The following MTUS2 variants were observed in gnomAD, a reference collection of about 807,000 sequenced individuals.
MTUS2 encodes the protein microtubule associated scaffold protein 2.
Under a neutral mutation model 114.1 loss-of-function variants are expected in MTUS2, and 40 were observed. The ratio of observed to expected loss-of-function variants is 0.35; its 90% CI spans 0.27 to 0.46. MTUS2 has a LOEUF of 0.46. MTUS2 is among the 20% of genes least tolerant of loss of function. The pLI is 1.00. For missense variants in MTUS2, 1,679 were observed against 1,705.4 expected (o/e 0.98, Z 0.27); for synonymous variants, 688 against 672.0 (o/e 1.02, Z -0.37).
At chr13:29,154,898 T>G (rs1473671351) in intron 5 of MTUS2, among the ~76,000 whole-genome samples, 4 of 152,084 alleles carry the variant, frequency 2.6e-5, no homozygotes, top group Non-Finnish European at 5.9e-5. Context: ...AAAAAGAGAG[T>G]AAAGTAGCTA....
At chr13:28,830,830 C>T (rs1246203590) in intron 1 of MTUS2, among the ~76,000 whole-genome samples, 1 of 152,100 alleles carries the variant, frequency 6.6e-6, no homozygotes, top group Non-Finnish European at 1.5e-5. Context: ...GCTGACTTCT[C>T]ATCAGAAACT....
At chr13:28,836,852 C>T (rs938683038) in intron 1 of MTUS2, among the ~76,000 whole-genome samples, 2 of 152,130 alleles carry the variant, frequency 1.3e-5, no homozygotes, top group East Asian at 3.9e-4. Flanking sequence ...CTTTAGAATG[C>T]ATTTCATATT....
At chr13:29,034,815 T>C (rs770036443) in intron 4 of MTUS2, among the ~76,000 whole-genome samples, 5 of 152,212 alleles carry the variant, frequency 3.3e-5, no homozygotes, top group Admixed American at 6.5e-5. Flanking sequence ...ATGCTGTCCT[T>C]CACCAAGCTA....
intron 1 of MTUS2, among the ~76,000 whole-genome samples, chr13:28,829,555 A>C (rs1302414838): frequency 6.6e-6 from 1 of 151,916 alleles, no homozygotes; most frequent in Non-Finnish European, 1.5e-5. Context: ...ACAATAACTA[A>C]TAGCCTAGAA....
At chr13:29,096,632 C>G (rs1488126953) in intron 4 of MTUS2, among the ~76,000 whole-genome samples, 2 of 152,214 alleles carry the variant, frequency 1.3e-5, no homozygotes, top group Non-Finnish European at 2.9e-5. Context: ...AAACTTCCCT[C>G]ACAGTTTGTT....
chr13:29,465,757 G>A (rs1242909573), intron 9 of MTUS2, among the ~76,000 whole-genome samples: 2 of 152,176 alleles, frequency 1.3e-5, no homozygotes, highest in Non-Finnish European at 2.9e-5. Flanking sequence ...CATGCTGGGG[G>A]CTTCGTGAAC....
At chr13:29,085,243 T>C (rs1889638462) in intron 4 of MTUS2, among the ~76,000 whole-genome samples, 1 of 152,166 alleles carries the variant, frequency 6.6e-6, no homozygotes, top group African/African-American at 2.4e-5. Context: ...AAAGTAAACC[T>C]CTTTTCTTTT....
intron 5 of MTUS2, among the ~76,000 whole-genome samples, chr13:29,275,494 A>G (rs1179075463): frequency 1.3e-5 from 2 of 152,138 alleles, no homozygotes; most frequent in African/African-American, 4.8e-5. Flanking sequence ...CCCATTAACC[A>G]TCCCTACTCC....
chr13:29,277,440 A>G (rs1306615679), intron 5 of MTUS2, among the ~76,000 whole-genome samples: 1 of 152,244 alleles, frequency 6.6e-6, no homozygotes, highest in African/African-American at 2.4e-5. Flanking sequence ...AAAGATAGTT[A>G]GGACAATTTT....
chr13:28,833,603 A>G lies in MTUS2; in HGVS notation c.-315-6175A>G, dbSNP rs1177076326. ...AATCTATGAAAAACCCACAGCTAAC[A>G]TCGTACTTGTGAAAGACTGTTTTCC... On this transcript the variant is annotated intron_variant, in intron 1 of 15. Transcript: ENST00000612955. 5.9e-5 allele frequency among the ~76,000 whole-genome samples: 9 copies of G among 152,246 alleles called. No homozygotes were observed. In the South Asian group the frequency reaches 1.2e-3, roughly 21 times the overall value.
intron 4 of MTUS2, among the ~76,000 whole-genome samples, chr13:29,038,781 C>G (rs567405046): frequency 1.3e-5 from 2 of 152,258 alleles, no homozygotes; most frequent in Non-Finnish European, 2.9e-5. Context: ...GTTACAGCCA[C>G]TTTGGGGTGC....
intron 2 of MTUS2, among the ~76,000 whole-genome samples, chr13:28,924,353 G>T (rs1484456039): frequency 1.3e-5 from 2 of 152,248 alleles, no homozygotes; most frequent in South Asian, 4.1e-4. Context: ...TGTATTTGTT[G>T]CTGAGCTTTC....
chr13:29,348,428 G>A (rs113431348), intron 7 of MTUS2, among the ~76,000 whole-genome samples: 11,541 of 151,926 alleles, frequency 0.076, 1,478 homozygotes, highest in African/African-American at 0.26. Flanking sequence ...TTATTATGTC[G>A]CAGATGACTT....
chr13:29,071,600 G>C (rs1888941712), intron 4 of MTUS2, among the ~76,000 whole-genome samples: 1 of 146,534 alleles, frequency 6.8e-6, no homozygotes, highest in African/African-American at 2.5e-5. Context: ...CTAATTTTTG[G>C]TATTTTTATT....
At chr13:29,405,541 G>A (rs931530280) in intron 8 of MTUS2, among the ~76,000 whole-genome samples, 26 of 152,122 alleles carry the variant, frequency 1.7e-4, no homozygotes, top group Admixed American at 6.6e-5. Flanking sequence ...TGTAAATGAC[G>A]TAAGAACCCT....
At position 29,119,608 on chromosome 13, in the gene MTUS2, C is replaced by T. The variant is rs181146515; in HGVS notation, c.2644+18638C>T. Among the ~76,000 whole-genome samples, 12 of 152,160 alleles carry T rather than the reference C, an allele frequency of 7.9e-5. No individual in the cohort carries two copies. In the East Asian group the frequency reaches 1.5e-3, roughly 20 times the overall value. The stretch of plus-strand genomic sequence containing the variant: ...AACTAAAATTTGCAGGGAAAGATTC[C>T]GGTCTGATTCTGAAGACCTGAGCAC... On this transcript the variant is annotated intron_variant, in intron 5 of 15. Transcript: ENST00000612955.
At chr13:29,205,008 A>G (rs1895125068) in intron 5 of MTUS2, among the ~76,000 whole-genome samples, 1 of 152,154 alleles carries the variant, frequency 6.6e-6, no homozygotes, top group Non-Finnish European at 1.5e-5. Flanking sequence ...CAGAGGGACC[A>G]TCAGAGGGGC....
chr13:28,986,608 A>T (rs1184567103), intron 2 of MTUS2, among the ~76,000 whole-genome samples: 3 of 152,178 alleles, frequency 2.0e-5, no homozygotes, highest in African/African-American at 7.2e-5. Flanking sequence ...CTCTAACAGC[A>T]CCAGGCATCA....
rs148676143 is a variant in MTUS2, at chr13:29,267,318, C to T, written c.2645-14386C>T. 1.8e-4 allele frequency among the ~76,000 whole-genome samples: 27 copies of T among 152,322 alleles called. No individual in the cohort carries two copies. The East Asian group carries it at 4.4e-3, about 25-fold the overall frequency. ...AATGCCAACTCCTCCAAGAGGTCCT[C>T]CCAACCACGCCTTCCAAAGTGGGTT... On this transcript the variant is annotated intron_variant, in intron 5 of 15. Coordinates refer to ENST00000612955, the MANE Select transcript of MTUS2 (RefSeq NM_001033602.4).
Sources: gnomAD v4.1 joint callset for allele counts (sites outside exome capture counted in the v4.1 genomes callset) on GRCh38, gnomAD v4.1.1 for gene constraint, MANE v1.5 for transcripts, NCBI Gene and HGNC (gene_info 2026-07-23, HGNC 2026-07-21) for gene names.